Variants in ST8SIA4 observed in about 807,000 individuals in gnomAD.
ST8SIA4 encodes CMP-N-acetylneuraminate-poly-alpha-2,8-sialyltransferase.
Under a neutral mutation model 33.9 loss-of-function variants are expected in ST8SIA4, and 15 were observed. That is an observed-to-expected ratio of 0.44 (90% CI 0.30 to 0.68). ST8SIA4 has a LOEUF of 0.68. Among genes scored for constraint, ST8SIA4 ranks in the 30% least tolerant of loss-of-function variants. The probability of loss-of-function intolerance (pLI) is 0.10; values close to 1 mark genes in which losing one functional copy is unlikely to be tolerated. For synonymous variants in ST8SIA4, 171 were observed against 151.2 expected (o/e 1.13, Z -0.96); for missense variants, 321 against 428.0 (o/e 0.75, Z 2.21).
At chr5:100,874,002 C>T (rs1472584957) in intron 3 of ST8SIA4, among the ~76,000 whole-genome samples, 2 of 151,974 alleles carry the variant, frequency 1.3e-5, no homozygotes, top group African/African-American at 2.4e-5. Flanking sequence ...TTTTCACAAC[C>T]AACAAATTAA....
At chr5:100,875,814 A>C (rs1033379473) in intron 3 of ST8SIA4, among the ~76,000 whole-genome samples, 1 of 152,140 alleles carries the variant, frequency 6.6e-6, no homozygotes, top group Non-Finnish European at 1.5e-5. Context: ...TATAAAACCA[A>C]TGTATTTCAG....
At chr5:100,866,578 TCACA>T (rs141002831) in intron 3 of ST8SIA4, among the ~76,000 whole-genome samples, 2,000 of 146,384 alleles carry the variant, frequency 0.014, 28 homozygotes, top group African/African-American at 0.039. Context: ...CTTCTAAATT[TCACA>T]CACACACACA....
chr5:100,824,422 A>G (rs542282699), intron 4 of ST8SIA4, among the ~76,000 whole-genome samples: 3 of 152,314 alleles, frequency 2.0e-5, no homozygotes, highest in South Asian at 4.1e-4. Context: ...TTACTTAACT[A>G]AAAGACAACT....
rs1750743910 is a variant in ST8SIA4, at chr5:100,808,769, G to C, written c.*3078C>G. On this transcript the variant is annotated 3_prime_UTR_variant, in exon 5 of 5. Coordinates refer to ENST00000231461, the MANE Select transcript of ST8SIA4 (RefSeq NM_005668.6). ...CTTGCCATTAGCCTTCATTGATCTT[G>C]CTCTGTTTCCATAAAAAGGCCACAG... 6.6e-6 allele frequency: 1 copy of C among 152,530 alleles called. No individual in the cohort carries two copies. Among genetic ancestry groups the C allele is most frequent in the Non-Finnish European group, 1.5e-5 (1 of 68,030 alleles). 9.4% of individuals were successfully genotyped at this position (152,530 alleles called of 1,614,324 possible).
intron 3 of ST8SIA4, among the ~76,000 whole-genome samples, chr5:100,874,208 A>C (rs1338605085): frequency 1.3e-5 from 2 of 152,122 alleles, no homozygotes; most frequent in Non-Finnish European, 2.9e-5. Context: ...ATTTTACAAC[A>C]CACTTTTTGA....
rs1750819848 is a variant in ST8SIA4, at chr5:100,811,703, G to C, written c.*144C>G. The C allele has an allele frequency of 6.3e-6, 5 of 795,380 alleles. No individual in the cohort carries two copies. In the African/African-American group the frequency reaches 8.7e-5, roughly 14 times the overall value. The allele number at this position is 795,380 out of a possible 1,614,324, so 49.3% of individuals were successfully genotyped here. On this transcript the variant is annotated 3_prime_UTR_variant, in exon 5 of 5. Coordinates refer to ENST00000231461, the MANE Select transcript of ST8SIA4 (RefSeq NM_005668.6). The stretch of plus-strand genomic sequence containing the variant: ...CACTTTGCAGGTATTTCATCAGCTG[G>C]TAGTCGATTTCTCATGAACGTCCTT...
chr5:100,829,318 G>C (rs144055407), intron 4 of ST8SIA4, among the ~76,000 whole-genome samples: 12 of 152,238 alleles, frequency 7.9e-5, no homozygotes, highest in African/African-American at 2.9e-4. Flanking sequence ...GTCTCTCATG[G>C]ATTAGAAATT....
rs1254614832 is a variant in ST8SIA4 at position 100,809,110 on chromosome 5, A to G, written c.*2737T>C. The G allele has an allele frequency of 1.3e-5, 2 of 152,630 alleles. No individual in the cohort carries two copies. Among genetic ancestry groups the G allele is most frequent in the African/African-American group, 2.4e-5 (1 of 41,442 alleles). 9.5% of individuals were successfully genotyped at this position (152,630 alleles called of 1,614,324 possible). A position where few individuals can be genotyped will look rare whatever the true frequency, so the allele number is the denominator to read the frequency against. On this transcript the variant is annotated 3_prime_UTR_variant, in exon 5 of 5. Coordinates refer to ENST00000231461, the MANE Select transcript of ST8SIA4 (RefSeq NM_005668.6). Reference sequence around the variant, plus strand: ...GCACAGAACAATGAATGGCTGAGATATGTGTGCTGTGGCCTTAACATTGTT... The same window carrying G: ...GCACAGAACAATGAATGGCTGAGATGTGTGTGCTGTGGCCTTAACATTGTT...
chr5:100,827,373 T>TCA (rs934225559), intron 4 of ST8SIA4, among the ~76,000 whole-genome samples: 1 of 152,162 alleles, frequency 6.6e-6, no homozygotes, highest in Non-Finnish European at 1.5e-5. Context: ...CCTGCCCCTC[T>TCA]CACATGAAAA....
At chr5:100,817,590 T>A (rs573798650) in intron 4 of ST8SIA4, among the ~76,000 whole-genome samples, 2 of 152,326 alleles carry the variant, frequency 1.3e-5, no homozygotes, top group African/African-American at 4.8e-5. Context: ...TGTATTCTAG[T>A]CTGCAGTATA....
intron 1 of ST8SIA4, 99 bp downstream of exon 1, chr5:100,902,744 A>C (rs1752948639): frequency 9.5e-7 from 1 of 1,054,882 alleles, no homozygotes. Flanking sequence ...AGCTCAAACA[A>C]ACACACATGC....
intron 2 of ST8SIA4, among the ~76,000 whole-genome samples, chr5:100,891,308 G>A (rs1344541763): frequency 6.6e-6 from 1 of 151,804 alleles, no homozygotes; most frequent in African/African-American, 2.4e-5. Context: ...AATTAAGTTA[G>A]TACTGACCCA....
intron 4 of ST8SIA4, among the ~76,000 whole-genome samples, chr5:100,834,168 AC>A (rs1405851903): frequency 6.6e-6 from 1 of 152,142 alleles, no homozygotes; most frequent in Non-Finnish European, 1.5e-5. Context: ...GATATGTACT[AC>A]TGAGGTCCAT....
At chr5:100,859,088 G>A (rs1751878086) in intron 3 of ST8SIA4, among the ~76,000 whole-genome samples, 1 of 151,972 alleles carries the variant, frequency 6.6e-6, no homozygotes, top group Non-Finnish European at 1.5e-5. Flanking sequence ...TTAAAAGAAA[G>A]CATTAAAAAA....
chr5:100,840,945 A>C lies in ST8SIA4; in HGVS notation c.797+15158T>G, dbSNP rs961121384. Among the ~76,000 whole-genome samples the C allele has an allele frequency of 3.3e-5, 5 of 151,864 alleles. No homozygotes were observed. In the East Asian group the frequency reaches 5.8e-4, roughly 18 times the overall value. ...CCCCACCTAATCCATTTGCAATCAC[A>C]GTATGCCTCCTCATTATCACACTCA... On this transcript the variant is annotated intron_variant, in intron 4 of 4. Transcript: ENST00000231461.
At chr5:100,869,452 T>A (rs1220728747) in intron 3 of ST8SIA4, among the ~76,000 whole-genome samples, 2 of 152,140 alleles carry the variant, frequency 1.3e-5, no homozygotes, top group Non-Finnish European at 2.9e-5. Context: ...CCATCGACAC[T>A]AGGTGTTATC....
At chr5:100,814,703 C>A (rs975972688) in intron 4 of ST8SIA4, among the ~76,000 whole-genome samples, 5 of 151,832 alleles carry the variant, frequency 3.3e-5, no homozygotes, top group Non-Finnish European at 7.4e-5. Flanking sequence ...TTATTATCAA[C>A]CTAATGTTGT....
chr5:100,866,037 G>A (rs1752053678), intron 3 of ST8SIA4, among the ~76,000 whole-genome samples: 1 of 152,098 alleles, frequency 6.6e-6, no homozygotes, highest in African/African-American at 2.4e-5. Flanking sequence ...TAAGCTTGAG[G>A]ACACATGGGC....
intron 3 of ST8SIA4, among the ~76,000 whole-genome samples, chr5:100,865,748 T>G (rs555726416): frequency 2.4e-4 from 37 of 152,300 alleles, no homozygotes; most frequent in Non-Finnish European, 3.1e-4. Context: ...TCCCCATATC[T>G]TCTTGGTCAT....
Sources: allele counts gnomAD v4.1 joint callset (sites outside exome capture counted in the v4.1 genomes callset), GRCh38; gene constraint gnomAD v4.1.1; transcripts MANE v1.5; gene names NCBI Gene and HGNC (gene_info 2026-07-23, HGNC 2026-07-21).